Variants in MYOZ1 observed in about 807,000 individuals in gnomAD.
The protein encoded by MYOZ1 is myozenin-1.
In MYOZ1, 20 loss-of-function variants were observed where a neutral mutation model predicts 28.7. That is an observed-to-expected ratio of 0.70 (90% CI 0.49 to 1.01). The LOEUF is 1.01. Ranked by LOEUF, MYOZ1 falls within the 50% of genes least tolerant of loss-of-function variation. The probability of loss-of-function intolerance (pLI) is 0.00; values close to 1 mark genes in which losing one functional copy is unlikely to be tolerated. For synonymous variants in MYOZ1, 144 were observed against 145.8 expected, an observed-to-expected ratio of 0.99 and a Z score of 0.09; for missense variants, 371 against 372.4, an observed-to-expected ratio of 1.00 and a Z score of 0.03.
chr10:73,633,949 G>T lies in MYOZ1; in HGVS notation c.619C>A (p.Leu207Met), dbSNP rs370023460. Residue 207 changes from leucine to methionine, a missense_variant, in exon 5 of 6, where the codon CTG becomes ATG. Coordinates refer to ENST00000359322, the MANE Select transcript of MYOZ1 (RefSeq NM_021245.4). ...AGTTCAGCTTTGGCCCCATAGGCCA[G>T]CAGGTCAATGCCAAGTTCCATTTTT... ...QQKMELGIDL[L>M]AYGAKAELPK... 4.3e-6 allele frequency: 7 copies of T among 1,613,768 alleles called. No individual in the cohort carries two copies. The African/African-American group carries it at 6.7e-5, about 15-fold the overall frequency.
intron 3 of MYOZ1, among the ~76,000 whole-genome samples, chr10:73,636,081 A>G (rs2081665624): frequency 6.6e-6 from 1 of 152,128 alleles, no homozygotes; most frequent in Admixed American, 6.5e-5. Flanking sequence ...CTCCTATATG[A>G]GGACCAATGA....
intron 1 of MYOZ1, among the ~76,000 whole-genome samples, chr10:73,640,665 A>G (rs2132409971): frequency 6.6e-6 from 1 of 152,306 alleles, no homozygotes; most frequent in African/African-American, 2.4e-5. Context: ...CAATGCACCC[A>G]GGTTTCATTG....
chr10:73,638,002 CA>C, intron 2 of MYOZ1, 80 bp from the exon 3 acceptor site: 3 of 1,322,992 alleles, frequency 2.3e-6, no homozygotes, highest in Non-Finnish European at 3.2e-6. Context: ...ACCTCATCCA[CA>C]ACTAAGTGTG....
intron 3 of MYOZ1, among the ~76,000 whole-genome samples, chr10:73,635,844 A>T (rs1554957942): frequency 6.6e-6 from 1 of 151,974 alleles, no homozygotes; most frequent in Non-Finnish European, 1.5e-5. Context: ...GTTGGACCTC[A>T]CTGGTGACAG....
At chr10:73,634,456 C>T (rs771185967) in intron 4 of MYOZ1, 28 bp downstream of exon 4, 4 of 1,612,126 alleles carry the variant, frequency 2.5e-6, no homozygotes, top group Non-Finnish European at 2.5e-6. Flanking sequence ...AGGGACCAAA[C>T]ACATTACTCT....
intron 3 of MYOZ1, among the ~76,000 whole-genome samples, chr10:73,637,113 A>G (rs1466505280): frequency 1.3e-5 from 2 of 150,240 alleles, no homozygotes; most frequent in East Asian, 2.0e-4. Context: ...CCTGGGTTCA[A>G]GTGATTCTCC....
chr10:73,635,712 T>G (rs1188529094), intron 3 of MYOZ1, among the ~76,000 whole-genome samples: 1 of 152,146 alleles, frequency 6.6e-6, no homozygotes, highest in Non-Finnish European at 1.5e-5. Flanking sequence ...GGGGTTGCCA[T>G]GGAGCACCCA....
At chr10:73,633,326 A>T (rs1302525376) in intron 5 of MYOZ1, among the ~76,000 whole-genome samples, 1 of 152,152 alleles carries the variant, frequency 6.6e-6, no homozygotes, top group Admixed American at 6.6e-5. Context: ...AGAAAAGAAA[A>T]AAGTATAAGG....
chr10:73,633,014 T>C (rs550553178), intron 5 of MYOZ1, among the ~76,000 whole-genome samples: 1 of 151,456 alleles, frequency 6.6e-6, no homozygotes, highest in East Asian at 2.0e-4. Flanking sequence ...TAAAGCAGGG[T>C]GGCCAGGCAT....
At position 73,637,887 on chromosome 10, in the gene MYOZ1, T is replaced by G; in HGVS notation, c.109A>C (p.Lys37Gln). 4 of 1,613,946 alleles carry G rather than the reference T, an allele frequency of 2.5e-6. No homozygotes were observed. Among genetic ancestry groups the G allele is most frequent in the Non-Finnish European group, 3.4e-6 (4 of 1,179,972 alleles). The change falls in exon 3 of 6, where the codon AAG (lysine) becomes CAG (glutamine). Residue 37 changes from lysine (K) to glutamine (Q), a missense_variant. Transcript: ENST00000359322. ...QESSGLNLGK[K>Q]ISVPRDVMLE... is the part of the protein sequence containing the mutation. ...ATCACATCCCTTGGGACACTGATCT[T>G]TTTGCCCAGGTTCAAGCCTGAGCTC...
chr10:73,632,541 G>A (rs113789045), intron 5 of MYOZ1, among the ~76,000 whole-genome samples: 6,304 of 151,924 alleles, frequency 0.041, 199 homozygotes, highest in South Asian at 0.12. Context: ...AAGGTGGGTG[G>A]ATCACTTGAG....
chr10:73,635,283 A>G (rs975098083), intron 3 of MYOZ1, among the ~76,000 whole-genome samples: 25 of 151,986 alleles, frequency 1.6e-4, no homozygotes, highest in Non-Finnish European at 4.4e-5. Flanking sequence ...AGTTATACCT[A>G]GGGTAAGGGC....
At chr10:73,636,565 C>T (rs537060184) in intron 3 of MYOZ1, among the ~76,000 whole-genome samples, 19 of 152,094 alleles carry the variant, frequency 1.2e-4, no homozygotes, top group African/African-American at 4.1e-4. Context: ...AAGCCATCCT[C>T]CCACCTCACC....
At chr10:73,633,284 C>A (rs1392622429) in intron 5 of MYOZ1, among the ~76,000 whole-genome samples, 1 of 151,088 alleles carries the variant, frequency 6.6e-6, no homozygotes, top group Non-Finnish European at 1.5e-5. Flanking sequence ...GCAACAAGAG[C>A]AAAACTGAGT....
Position 73,634,988 on chromosome 10 carries a change from G to A in MYOZ1, c.253-255C>T, listed in dbSNP as rs530110733. 1.1e-4 allele frequency among the ~76,000 whole-genome samples: 17 copies of A among 152,174 alleles called. No homozygotes were observed. In the South Asian group the frequency reaches 1.2e-3, roughly 11 times the overall value. ...TGCCCAGGCTGGAGTGTGATGGCACGATCTCGGCTCACCGCAACCTCAGCC... is the reference window on the plus strand; with the variant it reads ...TGCCCAGGCTGGAGTGTGATGGCACAATCTCGGCTCACCGCAACCTCAGCC... On this transcript the variant is annotated intron_variant, in intron 3 of 5. Coordinates refer to ENST00000359322, the MANE Select transcript of MYOZ1 (RefSeq NM_021245.4).
At position 73,637,891 on chromosome 10, in the gene MYOZ1, GC is replaced by G. The variant is rs774377828; in HGVS notation, c.104del (p.Gly35AlafsTer10). On this transcript the variant is annotated frameshift_variant, in exon 3 of 6. Coordinates refer to ENST00000359322, the MANE Select transcript of MYOZ1 (RefSeq NM_021245.4). LOFTEE classifies it high-confidence loss of function. ...CATCCCTTGGGACACTGATCTTTTT[GC>G]CCAGGTTCAAGCCTGAGCTCTCCTG... ...GGQESSGLNL[G>X]KKISVPRDVM... The G allele has an allele frequency of 1.9e-6, 3 of 1,613,920 alleles. No individual in the cohort carries two copies. In the South Asian group the frequency reaches 3.3e-5, roughly 18 times the overall value.
chr10:73,640,432 C>T (rs1311480784), intron 1 of MYOZ1, among the ~76,000 whole-genome samples: 1 of 152,194 alleles, frequency 6.6e-6, no homozygotes, highest in East Asian at 1.9e-4. Flanking sequence ...GGGTGAGCCA[C>T]TTCACCTGAC....
At chr10:73,638,668 T>TTATTTATTTATGTATTTATTTATG (rs1554958195) in intron 2 of MYOZ1, among the ~76,000 whole-genome samples, 3 of 147,510 alleles carry the variant, frequency 2.0e-5, no homozygotes, top group African/African-American at 7.6e-5. Context: ...ATTTATTTAT[T>TTATTTATTTATGTATTTATTTATG]TATTTATTTA....
At chr10:73,635,743 A>C (rs2081663912) in intron 3 of MYOZ1, among the ~76,000 whole-genome samples, 1 of 152,128 alleles carries the variant, frequency 6.6e-6, no homozygotes, top group Non-Finnish European at 1.5e-5. Context: ...CAAGGACTAG[A>C]GAAATTCTGC....
Sources: gnomAD v4.1 joint callset for allele counts (sites outside exome capture counted in the v4.1 genomes callset) on GRCh38, gnomAD v4.1.1 for gene constraint, MANE v1.5 for transcripts, NCBI Gene and HGNC (gene_info 2026-07-23, HGNC 2026-07-21) for gene names.